NRG3: variants seen among roughly 807,000 people sequenced by gnomAD.
NRG3 encodes neuregulin 3.
Under a neutral mutation model 66.9 loss-of-function variants are expected in NRG3, and 31 were observed. The observed-to-expected ratio is 0.46, with a 90% CI of 0.35 to 0.63. The LOEUF (loss-of-function observed/expected upper bound fraction) is 0.63, where lower values mean the gene tolerates loss of function less well. NRG3 is among the 20% of genes least tolerant of loss of function. NRG3 has a pLI of 0.00. For missense variants in NRG3, 910 were observed against 878.9 expected (o/e 1.04, Z -0.45); for synonymous variants, 393 against 359.4 (o/e 1.09, Z -1.06).
chr10:82,055,610 T>C (rs1195502239), intron 1 of NRG3, among the ~76,000 whole-genome samples: 1 of 152,066 alleles, frequency 6.6e-6, no homozygotes. Flanking sequence ...TATCTAATTG[T>C]TTTGAGGATT....
In NRG3 at chr10:81,875,966, G is replaced by A; in HGVS notation, c.626G>A (p.Arg209Gln). ...PFFSSSTLGS[R>Q]PPVPGTPSTQ... ...TTCAGTAGCAGCACGCTGGGCTCCCGACCCCCGGTGCCAGGAACTCCAAGT... is the reference window on the plus strand; with the variant it reads ...TTCAGTAGCAGCACGCTGGGCTCCCAACCCCCGGTGCCAGGAACTCCAAGT... Residue 209 changes from arginine (R) to glutamine (Q), a missense_variant, in exon 1 of 9, where the codon CGA becomes CAA. Transcript: ENST00000372141. The surrounding 1 kb of genome is among the most constrained non-coding windows in gnomAD (Gnocchi z 5.3). 2 of 1,613,864 alleles carry A rather than the reference G, an allele frequency of 1.2e-6. No individual in the cohort carries two copies. The highest frequency in any genetic ancestry group is 2.2e-5 in the East Asian group (1 of 44,854).
intron 1 of NRG3, among the ~76,000 whole-genome samples, chr10:81,966,119 G>A (rs1291755461): frequency 2.6e-5 from 4 of 151,638 alleles, no homozygotes; most frequent in African/African-American, 9.7e-5. Context: ...TTTTATAAAT[G>A]TTTTTCAACA....
In NRG3 at chr10:82,850,371, T is replaced by C. The variant is rs151259058; in HGVS notation, c.1028-15040T>C. ...TCCCCAGCGTGCTGCTCTCACATTT[T>C]GGTCCCTGCAATGAGCAAATGAATT... is the stretch of plus-strand genomic sequence containing the variant. On this transcript the variant is annotated intron_variant, in intron 3 of 8. Coordinates refer to ENST00000372141, the MANE Select transcript of NRG3 (RefSeq NM_001010848.4). Among the ~76,000 whole-genome samples, 1,500 of 152,334 alleles carry C rather than the reference T, an allele frequency of 9.8e-3. 14 individuals carry two copies. Among genetic ancestry groups the C allele is most frequent in the Admixed American group, 0.02 (313 of 15,300 alleles).
intron 1 of NRG3, among the ~76,000 whole-genome samples, chr10:81,913,504 A>G (rs1363317897): frequency 1.3e-5 from 2 of 151,484 alleles, no homozygotes; most frequent in African/African-American, 4.9e-5. Context: ...GCTCACTGCA[A>G]CCTCTGCCTC....
intron 1 of NRG3, among the ~76,000 whole-genome samples, chr10:82,302,451 A>G (rs1040655532): frequency 5.9e-5 from 9 of 152,258 alleles, no homozygotes; most frequent in African/African-American, 2.2e-4. Context: ...CAATAATAGT[A>G]TACTTTGTAT....
chr10:82,221,056 G>A (rs1480212310), intron 1 of NRG3, among the ~76,000 whole-genome samples: 8 of 152,116 alleles, frequency 5.3e-5, no homozygotes, highest in African/African-American at 7.2e-5. Context: ...AGAAATGGTG[G>A]TTTAAAAATA....
chr10:82,510,010 AC>A (rs1772137055), intron 2 of NRG3, among the ~76,000 whole-genome samples: 1 of 152,062 alleles, frequency 6.6e-6, no homozygotes. Flanking sequence ...TGTGCTGCTT[AC>A]CAACTACCCC....
At chr10:82,275,757 A>G (rs2078816621) in intron 1 of NRG3, among the ~76,000 whole-genome samples, 2 of 152,044 alleles carry the variant, frequency 1.3e-5, no homozygotes, top group Admixed American at 1.3e-4. Context: ...TAAAGATATA[A>G]TTGGAGTAAG....
Position 82,820,755 on chromosome 10 carries a change from A to G in NRG3, c.1028-44656A>G, listed in dbSNP as rs112519609. ...TATTTCTAAGTGTTGATGATTTCAG[A>G]TTTGAGTTCATCTTGTTAAGTGGTT... On this transcript the variant is annotated intron_variant, in intron 3 of 8. Coordinates refer to ENST00000372141, the MANE Select transcript of NRG3 (RefSeq NM_001010848.4). Among the ~76,000 whole-genome samples the G allele has an allele frequency of 3.6e-3, 546 of 152,358 alleles. 3 individuals are homozygous for G. Among genetic ancestry groups the G allele is most frequent in the African/African-American group, 0.013 (526 of 41,590 alleles).
At chr10:82,223,495 C>G (rs1027527336) in intron 1 of NRG3, among the ~76,000 whole-genome samples, 5 of 152,092 alleles carry the variant, frequency 3.3e-5, no homozygotes, top group Non-Finnish European at 7.4e-5. Flanking sequence ...CGCTTTTCCC[C>G]CTGGCCTATC....
In NRG3 at chr10:82,268,533, T is replaced by G. The variant is rs562186250; in HGVS notation, c.824-90206T>G. 1.1e-4 allele frequency among the ~76,000 whole-genome samples: 16 copies of G among 152,278 alleles called. No individual in the cohort carries two copies. The South Asian group carries it at 3.3e-3, about 32-fold the overall frequency. ...CCATTTGAAAATCGCAAAATATTTTTAAATCTATCCTCTTTCTTATATATT... is the reference window on the plus strand; with the variant it reads ...CCATTTGAAAATCGCAAAATATTTTGAAATCTATCCTCTTTCTTATATATT... On this transcript the variant is annotated intron_variant, in intron 1 of 8. Coordinates refer to ENST00000372141, the MANE Select transcript of NRG3 (RefSeq NM_001010848.4).
intron 2 of NRG3, among the ~76,000 whole-genome samples, chr10:82,432,532 T>A (rs376929007): frequency 1.8e-3 from 270 of 150,462 alleles, no homozygotes; most frequent in African/African-American, 6.1e-3. Flanking sequence ...CATGTGCAGA[T>A]CGTGCAGGTT....
chr10:82,261,289 T>C (rs1397756752), intron 1 of NRG3, among the ~76,000 whole-genome samples: 1 of 152,142 alleles, frequency 6.6e-6, no homozygotes, highest in African/African-American at 2.4e-5. Context: ...CACTCTCCTG[T>C]CTCCTGCCAC....
At chr10:82,886,690 T>G (rs1413049016) in intron 4 of NRG3, among the ~76,000 whole-genome samples, 1 of 152,178 alleles carries the variant, frequency 6.6e-6, no homozygotes, top group Non-Finnish European at 1.5e-5. Flanking sequence ...TTCTTATACT[T>G]ACTGAGAACT....
intron 1 of NRG3, among the ~76,000 whole-genome samples, chr10:81,965,704 T>C (rs1273173611): frequency 6.6e-6 from 1 of 152,174 alleles, no homozygotes; most frequent in Non-Finnish European, 1.5e-5. Context: ...ATCTAACTCC[T>C]TTATAGTGTA....
intron 2 of NRG3, among the ~76,000 whole-genome samples, chr10:82,362,546 GGGTTTTTTTT>G (rs1187935385): frequency 3.3e-5 from 3 of 91,286 alleles, no homozygotes; most frequent in Admixed American, 2.7e-4. Context: ...GATAATTTCT[GGGTTTTTTTT>G]TTTTTTTTTT....
intron 2 of NRG3, among the ~76,000 whole-genome samples, chr10:82,360,764 G>A (rs1206791119): frequency 6.6e-6 from 1 of 151,850 alleles, no homozygotes. Flanking sequence ...TCCTTTTGAG[G>A]CCTCCCTCCT....
intron 1 of NRG3, among the ~76,000 whole-genome samples, chr10:81,936,628 G>T (rs1847894054): frequency 6.6e-6 from 1 of 152,036 alleles, no homozygotes; most frequent in Admixed American, 6.6e-5. Flanking sequence ...GTATTAGTTG[G>T]TTGATTAGGG....
intron 1 of NRG3, among the ~76,000 whole-genome samples, chr10:81,884,458 T>C (rs896296362): frequency 4.6e-5 from 7 of 152,204 alleles, no homozygotes; most frequent in Admixed American, 2.0e-4. Flanking sequence ...GTAATTGATA[T>C]GCAATGTGCT....
Sources: allele counts gnomAD v4.1 joint callset (sites outside exome capture counted in the v4.1 genomes callset), GRCh38; gene constraint gnomAD v4.1.1; non-coding constraint Gnocchi (gnomAD v3.1); transcripts MANE v1.5; gene names NCBI Gene and HGNC (gene_info 2026-07-23, HGNC 2026-07-21).